Variants in RAG1 observed in about 807,000 individuals in gnomAD.
The protein encoded by RAG1 is recombination activating 1.
Under a neutral mutation model 62.7 loss-of-function variants are expected in RAG1, and 35 were observed. The observed-to-expected ratio is 0.56, with a 90% CI of 0.43 to 0.74. The LOEUF is 0.74. RAG1 is among the 30% of genes least tolerant of loss of function. RAG1 has a pLI of 0.00. For missense variants in RAG1, 1,169 were observed against 1,278.6 expected (o/e 0.91, Z 1.31); for synonymous variants, 461 against 470.3 (o/e 0.98, Z 0.26).
At chr11:36,565,374 G>C (rs1352440157), upstream of RAG1, among the ~76,000 whole-genome samples, 2 of 152,170 alleles carry the variant, frequency 1.3e-5, no homozygotes, top group African/African-American at 4.8e-5. Flanking sequence ...GCTCAGGGGG[G>C]TTGGGGCTTG....
At position 36,574,109 on chromosome 11, in the gene RAG1, T is replaced by C; in HGVS notation, c.805T>C (p.Cys269Arg). 2 of 1,614,196 alleles carry C rather than the reference T, an allele frequency of 1.2e-6. No individual in the cohort carries two copies. Among genetic ancestry groups the C allele is most frequent in the African/African-American group, 1.3e-5 (1 of 75,052 alleles). ...GGATGTCATGAAGAAGATCGCCAAC[T>C]GCAGTAAGATACATCTTAGTACCAA... ...SKDVMKKIAN[C>R]SKIHLSTKLL... Residue 269 changes from cysteine (C) to arginine (R), a missense_variant, in exon 2 of 2, where the codon TGC (cysteine) becomes CGC (arginine). Cys to Arg is a radical substitution (Grantham distance 180). Transcript: ENST00000299440.
chr11:36,511,108 TA>T (rs1217941285), intron 1 of RAG1: 1 of 152,238 alleles, frequency 6.6e-6, no homozygotes, highest in Non-Finnish European at 1.5e-5. Flanking sequence ...TAATAGTATC[TA>T]CCTCACAGGG....
chr11:36,512,924 C>T (rs1343827089), intron 1 of RAG1, among the ~76,000 whole-genome samples: 2 of 152,038 alleles, frequency 1.3e-5, no homozygotes, highest in African/African-American at 4.8e-5. Context: ...TCAATGCGTC[C>T]CCTAAATTTC....
intron 3 of RAG1, among the ~76,000 whole-genome samples, chr11:36,541,058 A>C (rs1515062): frequency 0.98 from 148,950 of 152,262 alleles, 72,926 homozygotes; most frequent in Non-Finnish European, 1. Flanking sequence ...ACATGATATG[A>C]TGGTCTGTTG....
In RAG1 at chr11:36,573,916, G is replaced by A. The variant is rs1199316807; in HGVS notation, c.612G>A (p.Trp204Ter). 1.9e-6 allele frequency: 3 copies of A among 1,614,084 alleles called. No individual in the cohort carries two copies. The highest frequency in any genetic ancestry group is 1.3e-5 in the African/African-American group (1 of 75,002). Residue 204 changes from tryptophan to a stop codon, truncating the protein, a stop_gained, in exon 2 of 2, where the codon TGG becomes TGA. Transcript: ENST00000299440. LOFTEE classifies it high-confidence loss of function. Reference sequence around the variant, plus strand: ...TCCCGAGGAACGTGACCATGGAGTGGCACCCCCACACACCATCCTGTGACA... The same window carrying A: ...TCCCGAGGAACGTGACCATGGAGTGACACCCCCACACACCATCCTGTGACA... ...VYFPRNVTME[W>*]HPHTPSCDIC...
intron 3 of RAG1, among the ~76,000 whole-genome samples, chr11:36,557,596 A>G (rs900347901): frequency 1.3e-5 from 2 of 152,098 alleles, no homozygotes; most frequent in Non-Finnish European, 2.9e-5. Flanking sequence ...TGGGAGCTGT[A>G]GACCGGAGCT....
intron 3 of RAG1, among the ~76,000 whole-genome samples, chr11:36,551,278 GTCTT>G (rs1169499902): frequency 6.6e-6 from 1 of 152,070 alleles, no homozygotes; most frequent in East Asian, 1.9e-4. Context: ...TGTATCATAG[GTCTT>G]TCTGATTATA....
upstream of RAG1, among the ~76,000 whole-genome samples, chr11:36,565,090 C>A (rs1032678254): frequency 1.3e-5 from 2 of 152,168 alleles, no homozygotes; most frequent in African/African-American, 2.4e-5. Context: ...CTAGTTCTGG[C>A]TTTCAAATTG....
intron 2 of RAG1, among the ~76,000 whole-genome samples, chr11:36,520,783 A>G (rs1387412862): frequency 6.6e-6 from 1 of 152,180 alleles, no homozygotes; most frequent in African/African-American, 2.4e-5. Flanking sequence ...CTCTTAAAAT[A>G]TGGGACAAAG....
chr11:36,529,227 G>C (rs998185588), intron 2 of RAG1, among the ~76,000 whole-genome samples: 2 of 152,074 alleles, frequency 1.3e-5, no homozygotes, highest in Non-Finnish European at 2.9e-5. Context: ...GAAGAACATC[G>C]ATGTGAAAAT....
chr11:36,546,619 T>G (rs191441485), intron 3 of RAG1, among the ~76,000 whole-genome samples: 304 of 149,828 alleles, frequency 2.0e-3, no homozygotes, highest in Admixed American at 4.7e-3. Flanking sequence ...TCCTGTCATT[T>G]TGATGCTAGC....
chr11:36,573,949 C>G lies in RAG1; in HGVS notation c.645C>G (p.Asn215Lys). 1.2e-6 allele frequency: 2 copies of G among 1,614,148 alleles called. No individual in the cohort carries two copies. Among genetic ancestry groups the G allele is most frequent in the East Asian group, 2.2e-5 (1 of 44,870 alleles). The change falls in exon 2 of 2, where the codon AAC (asparagine) becomes AAG (lysine). Residue 215 changes from asparagine (N) to lysine (K), a missense_variant. Asn to Lys is a moderately conservative substitution (Grantham distance 94). This residue lies in a region of RAG1 where 369 missense variants were observed against 335.3 expected (regional missense o/e 1.10). Transcript: ENST00000299440. ...HPHTPSCDIC[N>K]TARRGLKRKS... ...ACACACCATCCTGTGACATCTGCAA[C>G]ACTGCCCGTCGGGGACTCAAGAGGA... is the stretch of plus-strand genomic sequence containing the variant.
intron 2 of RAG1, among the ~76,000 whole-genome samples, chr11:36,533,124 C>T (rs1196926674): frequency 6.6e-6 from 1 of 152,096 alleles, no homozygotes; most frequent in Non-Finnish European, 1.5e-5. Context: ...CCACAACAAC[C>T]TCGGTTCTGT....
intron 2 of RAG1, among the ~76,000 whole-genome samples, chr11:36,522,700 C>A (rs1230828197): frequency 6.6e-6 from 1 of 152,192 alleles, no homozygotes; most frequent in Non-Finnish European, 1.5e-5. Context: ...AAGCTACAGA[C>A]ATTCAACACC....
intron 2 of RAG1, among the ~76,000 whole-genome samples, chr11:36,535,422 G>C (rs1008030132): frequency 6.6e-6 from 1 of 152,130 alleles, no homozygotes; most frequent in Non-Finnish European, 1.5e-5. Flanking sequence ...TCTATTTCAA[G>C]TTCAACATGT....
chr11:36,514,624 G>T (rs538479083), intron 1 of RAG1, among the ~76,000 whole-genome samples: 26 of 152,202 alleles, frequency 1.7e-4, no homozygotes, highest in Non-Finnish European at 3.4e-4. Flanking sequence ...CCATCTGGGG[G>T]TGATGAGAGA....
intron 2 of RAG1, among the ~76,000 whole-genome samples, chr11:36,526,407 A>T (rs1418539567): frequency 6.6e-6 from 1 of 152,166 alleles, no homozygotes; most frequent in Non-Finnish European, 1.5e-5. Flanking sequence ...TGCAAAGGAC[A>T]TGAACTCATC....
In RAG1 at chr11:36,523,203, G is replaced by A. The variant is rs554151384; in HGVS notation, n.428+2974G>A. Among the ~76,000 whole-genome samples the A allele has an allele frequency of 5.9e-5, 9 of 152,304 alleles. No homozygotes were observed. The South Asian group carries it at 1.9e-3, about 32-fold the overall frequency. On this transcript the variant is annotated intron_variant and non_coding_transcript_variant, in intron 2 of 2. Coordinates refer to the RAG1 transcript ENST00000529126. ...TGTGTCCTCACCCAAACCTCATCTT[G>A]TATCTCCCATAATTCCCACGTGTTA...
At chr11:36,530,169 C>G (rs369508168) in intron 2 of RAG1, among the ~76,000 whole-genome samples, 2 of 151,650 alleles carry the variant, frequency 1.3e-5, no homozygotes, top group African/African-American at 4.8e-5. Context: ...TACTGATATC[C>G]CTGTTTCATT....
Sources: gnomAD v4.1 joint callset for allele counts (sites outside exome capture counted in the v4.1 genomes callset) on GRCh38, gnomAD v4.1.1 for gene constraint, gnomAD v4.1.1 regional missense constraint, MANE v1.5 for transcripts, NCBI Gene and HGNC (gene_info 2026-07-23, HGNC 2026-07-21) for gene names.